The following LRRK2 variants were observed in gnomAD, a reference collection of about 807,000 sequenced individuals.
The protein encoded by LRRK2 is leucine rich repeat kinase 2.
Under a neutral mutation model 302.6 loss-of-function variants are expected in LRRK2, and 203 were observed. The ratio of observed to expected loss-of-function variants is 0.67; its 90% CI spans 0.60 to 0.75. The LOEUF (loss-of-function observed/expected upper bound fraction) is 0.75. Among genes scored for constraint, LRRK2 ranks in the 30% least tolerant of loss-of-function variants. LRRK2 has a pLI of 0.00. For missense variants in LRRK2, 2,830 were observed against 2,951.0 expected (o/e 0.96, Z 0.95); for synonymous variants, 1,066 against 1,031.9 (o/e 1.03, Z -0.63).
Position 40,278,186 on chromosome 12 carries a change from C to A in LRRK2, c.2166C>A (p.Ser722Arg). 6.2e-7 allele frequency: 1 copy of A among 1,614,050 alleles called. No homozygotes were observed. Among genetic ancestry groups the A allele is most frequent in the Non-Finnish European group, 8.5e-7 (1 of 1,179,980 alleles). The change falls in exon 18 of 51, where the codon AGC (serine) becomes AGA (arginine). Residue 722 changes from serine to arginine, a missense_variant. Physicochemically the swap from Ser to Arg is moderately radical, Grantham distance 110. This residue lies in a region of LRRK2 where 2,121 missense variants were observed against 2,148.0 expected (regional missense o/e 0.99). Coordinates refer to ENST00000298910, the MANE Select transcript of LRRK2 (RefSeq NM_198578.4). ...AGAGAGCGTGTGATCAGAATAACAG[C>A]ATCATGGTTGAATGCTTGCTTCTAT... ...MLERACDQNN[S>R]IMVECLLLLG...
At chr12:40,285,022 G>A (rs542396554) in intron 19 of LRRK2, among the ~76,000 whole-genome samples, 1 of 151,962 alleles carries the variant, frequency 6.6e-6, no homozygotes, top group Non-Finnish European at 1.5e-5. Context: ...GTTTCCAACC[G>A]CTCAGTAGGC....
Position 40,249,941 on chromosome 12 carries a change from C to G in LRRK2, c.954C>G (p.Leu318=). 6.2e-7 allele frequency: 1 copy of G among 1,613,614 alleles called. No individual in the cohort carries two copies. The highest frequency in any genetic ancestry group is 1.3e-5 in the African/African-American group (1 of 75,016). ...LQISALSCLA[L]LTETIFLNQD... The stretch of plus-strand genomic sequence containing the variant: ...TCTCAGCGCTCAGCTGTTTGGCCCT[C>G]CTCAGTAAGTAACTTCACTAAAAAG... Residue 318 remains leucine (L), a synonymous_variant, in exon 8 of 51, where the codon CTC becomes CTG. Transcript: ENST00000298910.
intron 39 of LRRK2, 58 bp from the exon 40 acceptor site, chr12:40,334,909 A>T: frequency 6.4e-7 from 1 of 1,568,730 alleles, no homozygotes; most frequent in Non-Finnish European, 8.7e-7. Context: ...TTAAAGAAGG[A>T]GATACGTGGG....
Position 40,263,873 on chromosome 12 carries a change from A to G in LRRK2, c.1628A>G (p.His543Arg). 5 of 1,612,470 alleles carry G rather than the reference A, an allele frequency of 3.1e-6. No homozygotes were observed. The highest frequency in any genetic ancestry group is 4.2e-6 in the Non-Finnish European group (5 of 1,178,826). The change falls in exon 14 of 51, where the codon CAC (histidine) becomes CGC (arginine). Residue 543 changes from histidine to arginine, a missense_variant. By Grantham distance (29) the His-to-Arg change is conservative. This residue lies in a region of LRRK2 where 2,121 missense variants were observed against 2,148.0 expected (regional missense o/e 0.99). Transcript: ENST00000298910. ...VKKQCFKNDI[H>R]KLVLAALNRF... ...AAACAGTGTTTCAAGAATGATATTC[A>G]CAAACTGGTCCTAGCAGCTTTGAAC...
At chr12:40,274,069 C>A (rs988020206) in intron 14 of LRRK2, among the ~76,000 whole-genome samples, 6 of 152,096 alleles carry the variant, frequency 3.9e-5, no homozygotes, top group African/African-American at 1.4e-4. Context: ...TTTGGCAAAC[C>A]TATTACATGA....
At chr12:40,229,521 A>G (rs1941066635) in intron 2 of LRRK2, among the ~76,000 whole-genome samples, 1 of 152,166 alleles carries the variant, frequency 6.6e-6, no homozygotes, top group South Asian at 2.1e-4. Context: ...CTGTGCTCCT[A>G]AATTTTACAT....
At chr12:40,247,496 A>T (rs563129031) in intron 7 of LRRK2, among the ~76,000 whole-genome samples, 1 of 139,802 alleles carries the variant, frequency 7.2e-6, no homozygotes, top group East Asian at 2.1e-4. Flanking sequence ...ATGTGTATAT[A>T]TATTTACACA....
chr12:40,271,992 T>C (rs554240047), intron 14 of LRRK2, among the ~76,000 whole-genome samples: 3 of 152,272 alleles, frequency 2.0e-5, no homozygotes, highest in Admixed American at 6.5e-5. Context: ...TAAATATCAA[T>C]TTGATATAAT....
In LRRK2 at chr12:40,304,061, T is replaced by G. The variant is rs1303200514; in HGVS notation, c.3704T>G (p.Leu1235Trp). The G allele has an allele frequency of 5.6e-6, 9 of 1,613,602 alleles. No homozygotes were observed. Among genetic ancestry groups the G allele is most frequent in the Non-Finnish European group, 6.8e-6 (8 of 1,179,734 alleles). Reference sequence around the variant, plus strand: ...TTTAGCCATAATCAGATCAGCATCTTGGACTTGAGTGAAAAAGCATATTTA... The same window carrying G: ...TTTAGCCATAATCAGATCAGCATCTGGGACTTGAGTGAAAAAGCATATTTA... ...LLFSHNQISI[L>W]DLSEKAYLWS... Residue 1235 changes from leucine to tryptophan, a missense_variant, in exon 27 of 51, where the codon TTG becomes TGG. By Grantham distance (61) the Leu-to-Trp change is moderately conservative (BLOSUM62 -2). Around this residue, in one of 3 missense-constraint regions of LRRK2, gnomAD observed 2,121 missense variants for 2,148.0 expected, o/e 0.99. Coordinates refer to ENST00000298910, the MANE Select transcript of LRRK2 (RefSeq NM_198578.4).
intron 31 of LRRK2, 123 bp from the exon 32 acceptor site, chr12:40,313,849 T>G: frequency 1.4e-6 from 1 of 720,194 alleles, no homozygotes; most frequent in Non-Finnish European, 2.3e-6. Context: ...TGATTTTATT[T>G]AAAAATGTAC....
chr12:40,313,916 T>C (rs552608041), intron 31 of LRRK2, 56 bp from the exon 32 acceptor site: 17 of 1,506,216 alleles, frequency 1.1e-5, no homozygotes, highest in Admixed American at 3.4e-5. Flanking sequence ...TGCCAACCAT[T>C]TGACAAATAC....
At chr12:40,308,070 G>C (rs1369761450) in intron 28 of LRRK2, among the ~76,000 whole-genome samples, 2 of 151,896 alleles carry the variant, frequency 1.3e-5, no homozygotes, top group Non-Finnish European at 2.9e-5. Context: ...GCGAGCCACC[G>C]CACCTGGCGT....
intron 28 of LRRK2, among the ~76,000 whole-genome samples, chr12:40,307,290 T>G (rs1944857600): frequency 6.6e-6 from 1 of 152,164 alleles, no homozygotes; most frequent in African/African-American, 2.4e-5. Context: ...AATTGATCAC[T>G]ACTCTGATGT....
At chr12:40,287,043 C>T (rs1013333558) in intron 19 of LRRK2, among the ~76,000 whole-genome samples, 2 of 151,988 alleles carry the variant, frequency 1.3e-5, no homozygotes, top group Non-Finnish European at 2.9e-5. Context: ...TCACAAATGG[C>T]ATTTCTATGA....
Position 40,245,350 on chromosome 12 carries a change from T to C in LRRK2, c.838+1669T>C, listed in dbSNP as rs1012237768. ...TGTGGTATATAAATATGTAAACATA[T>C]ATGCTTATGTTTCTGTCCTTGGCGT... On this transcript the variant is annotated intron_variant, in intron 7 of 50. Transcript: ENST00000298910. Among the ~76,000 whole-genome samples the C allele has an allele frequency of 2.6e-5, 4 of 152,254 alleles. No individual in the cohort carries two copies. The East Asian group carries it at 7.7e-4, about 29-fold the overall frequency.
intron 12 of LRRK2, among the ~76,000 whole-genome samples, chr12:40,258,450 A>G (rs982468622): frequency 6.6e-6 from 1 of 152,162 alleles, no homozygotes; most frequent in Non-Finnish European, 1.5e-5. Flanking sequence ...GCAAACCTTT[A>G]CAAATGAGGC....
At chr12:40,248,350 T>A (rs779268024) in intron 7 of LRRK2, among the ~76,000 whole-genome samples, 40 of 152,212 alleles carry the variant, frequency 2.6e-4, no homozygotes, top group Non-Finnish European at 4.1e-4. Context: ...TAAAGTTGCT[T>A]GATTTTATAC....
intron 26 of LRRK2, 33 bp from the exon 27 acceptor site, chr12:40,303,915 T>C (rs559885054): frequency 5.6e-6 from 9 of 1,601,130 alleles, no homozygotes; most frequent in African/African-American, 5.3e-5. Flanking sequence ...GAAATACTCA[T>C]TTGGTTTATG....
chr12:40,226,447 T>C (rs146557219), intron 2 of LRRK2, among the ~76,000 whole-genome samples: 120 of 152,320 alleles, frequency 7.9e-4, no homozygotes, highest in African/African-American at 2.7e-3. Context: ...TTGAACTCCT[T>C]GGAGGTGCAG....
Sources: gnomAD v4.1 joint callset for allele counts (sites outside exome capture counted in the v4.1 genomes callset) on GRCh38, gnomAD v4.1.1 for gene constraint, gnomAD v4.1.1 regional missense constraint, MANE v1.5 for transcripts, NCBI Gene and HGNC (gene_info 2026-07-23, HGNC 2026-07-21) for gene names.